The following KPNA7 variants were observed in gnomAD, a reference collection of about 807,000 sequenced individuals.
The protein encoded by KPNA7 is importin subunit alpha-8.
In KPNA7, 54 loss-of-function variants were observed where a neutral mutation model predicts 53.7. The ratio of observed to expected loss-of-function variants is 1.01; its 90% CI spans 0.81 to 1.26. KPNA7 has a LOEUF of 1.26. Among genes scored for constraint, KPNA7 ranks in the 50% most tolerant of loss-of-function variants. The pLI, the probability that KPNA7 is intolerant of heterozygous loss-of-function variation, is 0.00. For synonymous variants in KPNA7, 276 were observed against 259.3 expected (o/e 1.06, Z -0.62); for missense variants, 640 against 644.5 (o/e 0.99, Z 0.07).
chr7:99,164,501 G>T, the KPNA7 span, among the ~76,000 whole-genome samples: 1 of 152,150 alleles, frequency 6.6e-6, no homozygotes, highest in Non-Finnish European at 1.5e-5. Context: ...GGTAGGGGTA[G>T]GGGGAGGGAT....
At chr7:99,182,203 G>A (rs1179302432) in intron 8 of KPNA7, 138 bp from the exon 9 acceptor site, 4 of 603,746 alleles carry the variant, frequency 6.6e-6, no homozygotes, top group Non-Finnish European at 1.1e-5. Context: ...TTGGCTACCT[G>A]CCTCTAGCTC....
chr7:99,165,132 C>T, the KPNA7 span, among the ~76,000 whole-genome samples: 1 of 152,040 alleles, frequency 6.6e-6, no homozygotes, highest in African/African-American at 2.4e-5. Flanking sequence ...CAGAACACGA[C>T]TTTGTCTCAA....
intron 3 of KPNA7, among the ~76,000 whole-genome samples, chr7:99,199,738 C>T (rs533480604): frequency 6.6e-6 from 1 of 152,208 alleles, no homozygotes; most frequent in African/African-American, 2.4e-5. Context: ...ATAAACTAGA[C>T]TTCTTCAAAA....
intron 6 of KPNA7, among the ~76,000 whole-genome samples, chr7:99,190,162 C>A (rs1442020203): frequency 3.3e-5 from 5 of 151,922 alleles, no homozygotes; most frequent in African/African-American, 9.7e-5. Context: ...GATGGTGAAA[C>A]CCCGTCTCTA....
chr7:99,205,999 G>C (rs909214216), intron 2 of KPNA7, among the ~76,000 whole-genome samples: 2 of 152,122 alleles, frequency 1.3e-5, no homozygotes, highest in African/African-American at 2.4e-5. Context: ...GAACAGCCTG[G>C]ACTTCTCAGT....
rs1450175949 is a variant in KPNA7, at chr7:99,181,961, C to T, written c.1239G>A (p.Glu413=). The T allele has an allele frequency of 6.4e-7, 1 of 1,551,336 alleles. No homozygotes were observed. The highest frequency in any genetic ancestry group is 1.4e-5 in the African/African-American group (1 of 73,036). The change falls in exon 9 of 11, where the codon GAG becomes GAA. Residue 413 remains glutamate, a synonymous_variant. Coordinates refer to ENST00000327442, the MANE Select transcript of KPNA7 (RefSeq NM_001145715.3). Reference sequence around the variant, plus strand: ...GGGCAGTGAGCAGATTCACCAGTGGCTCCAGGACCCCAGAGTGGACGAGCT... The same window carrying T: ...GGGCAGTGAGCAGATTCACCAGTGGTTCCAGGACCCCAGAGTGGACGAGCT... ...LIQLVHSGVL[E]PLVNLLTAPD...
chr7:99,174,435 C>T (rs185604200), intron 10 of KPNA7, among the ~76,000 whole-genome samples: 10 of 152,130 alleles, frequency 6.6e-5, no homozygotes, highest in Admixed American at 3.9e-4. Context: ...TGAATCATCC[C>T]GAAACCATCC....
At chr7:99,217,943 T>C (rs964669690) in intron 1 of KPNA7, among the ~76,000 whole-genome samples, 3 of 152,114 alleles carry the variant, frequency 2.0e-5, no homozygotes, top group East Asian at 3.9e-4. Context: ...ACCTCGCCAC[T>C]CTTTAGCTTT....
At chr7:99,160,748 T>A in the KPNA7 span, among the ~76,000 whole-genome samples, 2 of 151,988 alleles carry the variant, frequency 1.3e-5, no homozygotes, top group South Asian at 2.1e-4. Context: ...CAGGGTGGAG[T>A]GGATGAGTAG....
chr7:99,183,343 T>A (rs1019694517), intron 8 of KPNA7, among the ~76,000 whole-genome samples: 1 of 152,174 alleles, frequency 6.6e-6, no homozygotes, highest in Non-Finnish European at 1.5e-5. Context: ...ATTCTTCTAT[T>A]CCTGGGTAGG....
intron 3 of KPNA7, among the ~76,000 whole-genome samples, chr7:99,201,109 T>A (rs914122997): frequency 6.6e-6 from 1 of 152,154 alleles, no homozygotes; most frequent in Non-Finnish European, 1.5e-5. Context: ...AGCTCACATG[T>A]TTATATGATT....
chr7:99,195,390 T>G, intron 4 of KPNA7, 52 bp from the exon 5 acceptor site: 2 of 1,509,260 alleles, frequency 1.3e-6, no homozygotes, highest in Non-Finnish European at 9.0e-7. Context: ...GAGAGAGGTA[T>G]TAAGGACCTC....
downstream of KPNA7, among the ~76,000 whole-genome samples, chr7:99,171,184 C>A (rs545159699): frequency 6.6e-6 from 1 of 152,166 alleles, no homozygotes; most frequent in African/African-American, 2.4e-5. Flanking sequence ...CGTGCCACTG[C>A]ACTCCAGTCT....
intron 9 of KPNA7, among the ~76,000 whole-genome samples, chr7:99,179,061 G>A (rs1285101056): frequency 6.6e-6 from 1 of 152,064 alleles, no homozygotes; most frequent in African/African-American, 2.4e-5. Context: ...ACAAGCATGA[G>A]CCAATGCACT....
At chr7:99,187,823 A>T (rs13238223) in intron 7 of KPNA7, among the ~76,000 whole-genome samples, 13 of 143,334 alleles carry the variant, frequency 9.1e-5, no homozygotes, top group African/African-American at 2.2e-4. Context: ...AAAAAAAAAA[A>T]AAAAAAAAAA....
chr7:99,188,041 C>T (rs1027605912), intron 7 of KPNA7, among the ~76,000 whole-genome samples: 22 of 150,890 alleles, frequency 1.5e-4, no homozygotes, highest in African/African-American at 3.9e-4. Flanking sequence ...CGGGCGTGGT[C>T]GTTGGCATCT....
Position 99,185,133 on chromosome 7 carries a change from A to C in KPNA7, c.930T>G (p.Ile310Met). The C allele has an allele frequency of 2.6e-6, 4 of 1,552,052 alleles. No homozygotes were observed. In the South Asian group the frequency reaches 4.8e-5, roughly 18 times the overall value. The stretch of plus-strand genomic sequence containing the variant: ...GCGTCTGCTCATCTGTGCCCGTGAC[A>C]ATGTTCCCCACGGTGCGGAGAGAAG... ...LTPSLRTVGNIVTGTDEQTQM... is the reference protein window; with the variant it reads ...LTPSLRTVGNMVTGTDEQTQM... The change falls in exon 8 of 11, where the codon ATT becomes ATG. Residue 310 changes from isoleucine to methionine, a missense_variant. Coordinates refer to ENST00000327442, the MANE Select transcript of KPNA7 (RefSeq NM_001145715.3).
At chr7:99,215,791 G>A (rs1186278321) in intron 1 of KPNA7, among the ~76,000 whole-genome samples, 2 of 152,002 alleles carry the variant, frequency 1.3e-5, no homozygotes, top group Non-Finnish European at 2.9e-5. Context: ...GCAACACAGT[G>A]AGACCCCATC....
At chr7:99,163,381 A>ATTTTTTTTT in the KPNA7 span, among the ~76,000 whole-genome samples, 19 of 58,856 alleles carry the variant, frequency 3.2e-4, no homozygotes, top group Non-Finnish European at 4.6e-4. Context: ...ATATATATAT[A>ATTTTTTTTT]TATTTTTTTT....
Sources: gnomAD v4.1 joint callset for allele counts (sites outside exome capture counted in the v4.1 genomes callset) on GRCh38, gnomAD v4.1.1 for gene constraint, MANE v1.5 for transcripts, NCBI Gene and HGNC (gene_info 2026-07-23, HGNC 2026-07-21) for gene names.